CACNA2D1: variants seen among roughly 807,000 people sequenced by gnomAD.
CACNA2D1 encodes voltage-dependent calcium channel subunit alpha-2/delta-1.
A neutral mutation model predicts 171.5 loss-of-function variants in CACNA2D1; 53 were observed. The ratio of observed to expected loss-of-function variants is 0.31; its 90% CI spans 0.25 to 0.39. The LOEUF is 0.39. CACNA2D1 is among the 10% of genes least tolerant of loss of function. CACNA2D1 has a pLI of 1.00. For missense variants in CACNA2D1, 903 were observed against 1,299.8 expected (o/e 0.69, Z 4.69); for synonymous variants, 442 against 443.1 (o/e 1.00, Z 0.03).
rs2286763 is a variant in CACNA2D1, at chr7:81,971,335, C to G, written c.2141+442G>C. ...CTTAGAAATGGGATCTTAGGGCCTT[C>G]ATTATGAGGTAGAGAAGAAAACATT... On this transcript the variant is annotated intron_variant, in intron 26 of 38. Coordinates refer to ENST00000356860, the MANE Select transcript of CACNA2D1 (RefSeq NM_000722.4). 1.6e-3 allele frequency among the ~76,000 whole-genome samples: 242 copies of G among 151,564 alleles called. 4 individuals carry two copies. In the East Asian group the frequency reaches 0.017, roughly 11 times the overall value.
intron 3 of CACNA2D1, among the ~76,000 whole-genome samples, chr7:82,299,685 G>C (rs1475064415): frequency 1.3e-5 from 2 of 151,448 alleles, no homozygotes; most frequent in African/African-American, 2.4e-5. Flanking sequence ...AGTTAGATGA[G>C]AGTAGAATGC....
intron 19 of CACNA2D1, among the ~76,000 whole-genome samples, chr7:81,995,798 CAAAAAAA>C (rs59979323): frequency 3.0e-5 from 3 of 101,548 alleles, no homozygotes; most frequent in Non-Finnish European, 6.4e-5. Context: ...GACTCCACCT[CAAAAAAA>C]AAAAAAAAAA....
At chr7:81,970,772 T>C (rs375539924) in intron 26 of CACNA2D1, 35 bp from the exon 27 acceptor site, 30 of 1,330,188 alleles carry the variant, frequency 2.3e-5, no homozygotes, top group African/African-American at 1.7e-4. Context: ...AATGTTCTAT[T>C]GAACATATTC....
chr7:82,423,594 G>A (rs1472244243), intron 1 of CACNA2D1, among the ~76,000 whole-genome samples: 4 of 152,128 alleles, frequency 2.6e-5, no homozygotes, highest in African/African-American at 4.8e-5. Context: ...GTAGTTCCTC[G>A]TCAAATAGCA....
At chr7:82,366,116 T>C (rs1452241250) in intron 1 of CACNA2D1, among the ~76,000 whole-genome samples, 1 of 152,228 alleles carries the variant, frequency 6.6e-6, no homozygotes. Context: ...TAGGCCCATA[T>C]ACTCACTTTC....
chr7:82,115,194 A>G (rs531106293), intron 6 of CACNA2D1, among the ~76,000 whole-genome samples: 192 of 152,200 alleles, frequency 1.3e-3, no homozygotes, highest in Non-Finnish European at 2.4e-3. Flanking sequence ...TTGGAATTCA[A>G]TAGAAAGATA....
intron 3 of CACNA2D1, among the ~76,000 whole-genome samples, chr7:82,220,470 C>T (rs1801623586): frequency 6.6e-6 from 1 of 152,100 alleles, no homozygotes; most frequent in African/African-American, 2.4e-5. Context: ...TTTACATTCT[C>T]AAAAATTACT....
chr7:82,415,779 G>GA (rs1488027820), intron 1 of CACNA2D1, among the ~76,000 whole-genome samples: 4 of 151,630 alleles, frequency 2.6e-5, no homozygotes, highest in Non-Finnish European at 5.9e-5. Context: ...TCTTATAAGA[G>GA]AAAAAAATGC....
chr7:82,325,985 T>C (rs1423216585), intron 3 of CACNA2D1, among the ~76,000 whole-genome samples: 1 of 152,100 alleles, frequency 6.6e-6, no homozygotes, highest in Admixed American at 6.6e-5. Context: ...CATGTCTCAA[T>C]TGCCCCATGA....
intron 3 of CACNA2D1, among the ~76,000 whole-genome samples, chr7:82,235,433 G>A (rs1322326059): frequency 6.6e-6 from 1 of 152,078 alleles, no homozygotes; most frequent in East Asian, 1.9e-4. Context: ...GGAGGGGCAG[G>A]CTGCTTCTAA....
chr7:82,081,649 T>C (rs1809787996), intron 7 of CACNA2D1, among the ~76,000 whole-genome samples: 1 of 152,202 alleles, frequency 6.6e-6, no homozygotes, highest in Non-Finnish European at 1.5e-5. Context: ...CCACAGCTAA[T>C]GTTTTGGAAA....
At chr7:82,195,005 G>A (rs1798709460) in intron 3 of CACNA2D1, among the ~76,000 whole-genome samples, 1 of 151,970 alleles carries the variant, frequency 6.6e-6, no homozygotes, top group Non-Finnish European at 1.5e-5. Flanking sequence ...ATCTTTTACA[G>A]AAAATGTTTC....
chr7:82,200,917 G>T (rs1223378383), intron 3 of CACNA2D1, among the ~76,000 whole-genome samples: 1 of 152,164 alleles, frequency 6.6e-6, no homozygotes. Context: ...GAACGATAAG[G>T]CATGCGTGTG....
rs1824179288 is a variant in CACNA2D1, at chr7:82,385,081, AC to A, written c.96-35433del. ...GTCCCAACATCTTTTATGAAACTTC[AC>A]CACTGCACAAGACAATGAACCTAAA... is the stretch of plus-strand genomic sequence containing the variant. On this transcript the variant is annotated intron_variant, in intron 1 of 38. Transcript: ENST00000356860. Among the ~76,000 whole-genome samples, 4 of 152,240 alleles carry A rather than the reference AC, an allele frequency of 2.6e-5. No individual in the cohort carries two copies. The South Asian group carries it at 8.3e-4, about 32-fold the overall frequency.
intron 3 of CACNA2D1, among the ~76,000 whole-genome samples, chr7:82,217,400 T>C (rs1323970798): frequency 0.051 from 1,266 of 24,842 alleles, 30 homozygotes; most frequent in Non-Finnish European, 0.11. Context: ...CATACATATA[T>C]ATATATATAT....
intron 2 of CACNA2D1, among the ~76,000 whole-genome samples, chr7:82,346,850 C>A (rs1027125516): frequency 2.0e-5 from 3 of 152,052 alleles, no homozygotes; most frequent in African/African-American, 4.8e-5. Flanking sequence ...TTTCAAGGTA[C>A]AAATAAGGAT....
At chr7:81,959,428 TATTTCCCAAAAC>T (rs1793833017) in intron 37 of CACNA2D1, 71 bp from the exon 38 acceptor site, 1 of 1,052,238 alleles carries the variant, frequency 9.5e-7, no homozygotes, top group South Asian at 1.3e-5. Flanking sequence ...CAATGCAATG[TATTTCCCAAAAC>T]ATGTGAGAGA....
chr7:82,162,811 T>G (rs1240993523), intron 4 of CACNA2D1, among the ~76,000 whole-genome samples: 1 of 151,916 alleles, frequency 6.6e-6, no homozygotes, highest in African/African-American at 2.4e-5. Flanking sequence ...AAGCCCTCAG[T>G]CCCCGGGGTC....
At chr7:82,116,846 G>A (rs940267770) in intron 6 of CACNA2D1, among the ~76,000 whole-genome samples, 198 bp downstream of exon 6, 6 of 152,236 alleles carry the variant, frequency 3.9e-5, no homozygotes, top group Non-Finnish European at 8.8e-5. Flanking sequence ...ACAAATATTC[G>A]TTTAGTGAGG....
Sources: gnomAD v4.1 joint callset for allele counts (sites outside exome capture counted in the v4.1 genomes callset) on GRCh38, gnomAD v4.1.1 for gene constraint, MANE v1.5 for transcripts, NCBI Gene and HGNC (gene_info 2026-07-23, HGNC 2026-07-21) for gene names.